Variants in HOXB3 observed in about 807,000 individuals in gnomAD.
HOXB3 encodes the protein homeobox B3, also known as homeobox protein Hox-B3.
In HOXB3, 17 loss-of-function variants were observed where a neutral mutation model predicts 29.2. That is an observed-to-expected ratio of 0.58 (90% confidence interval 0.40 to 0.87). The LOEUF (loss-of-function observed/expected upper bound fraction) is 0.87, where lower values mean the gene tolerates loss of function less well. Among genes scored for constraint, HOXB3 ranks in the 40% least tolerant of loss-of-function variants. The probability of loss-of-function intolerance (pLI) is 0.00; values close to 1 mark genes in which losing one functional copy is unlikely to be tolerated. For missense variants in HOXB3, 637 were observed against 616.3 expected, an observed-to-expected ratio of 1.03 and a Z score of -0.35; for synonymous variants, 317 against 285.9, an observed-to-expected ratio of 1.11 and a Z score of -1.10.
At chr17:48,567,235 G>A (rs573269994) in intron 2 of HOXB3, among the ~76,000 whole-genome samples, 3 of 152,324 alleles carry the variant, frequency 2.0e-5, no homozygotes, top group Admixed American at 6.5e-5. Context: ...GTGTGGGAGC[G>A]AGCTCCTGGA....
intron 3 of HOXB3, among the ~76,000 whole-genome samples, chr17:48,555,006 G>A (rs1022795585): frequency 2.0e-5 from 3 of 151,938 alleles, no homozygotes; most frequent in Admixed American, 2.0e-4. Context: ...GGGAGGGAGG[G>A]AGGGAGACGG....
In HOXB3 at chr17:48,552,293, G is replaced by A. The variant is rs2068785841; in HGVS notation, c.182C>T (p.Ala61Val). The A allele has an allele frequency of 2.5e-6, 4 of 1,613,954 alleles. No individual in the cohort carries two copies. The East Asian group carries it at 6.7e-5, about 27-fold the overall frequency. ...ACSLQSLGNAAPHAKSKELNG... is the reference protein window; with the variant it reads ...ACSLQSLGNAVPHAKSKELNG... ...GAGCTCCTTGCTCTTGGCATGTGGG[G>A]CAGCGTTGCCCAGGGACTGCAGCGA... Residue 61 changes from alanine (A) to valine (V), a missense_variant, in exon 4 of 5, where the codon GCC becomes GTC. Physicochemically the swap from Ala to Val is moderately conservative, Grantham distance 64 (BLOSUM62 0). Coordinates refer to ENST00000498678, the MANE Select transcript of HOXB3 (RefSeq NM_001384749.1).
intron 3 of HOXB3, 140 bp downstream of exon 3, chr17:48,555,385 GGAGGGA>G (rs2068942064): frequency 8.1e-5 from 47 of 580,718 alleles, no homozygotes; most frequent in East Asian, 3.5e-4. Flanking sequence ...AGGGAGGGAG[GGAGGGA>G]GAGAGAGAGT....
At chr17:48,577,035 A>C in intron 1 of HOXB3, 1 of 1,560,950 alleles carries the variant, frequency 6.4e-7, no homozygotes, top group East Asian at 2.3e-5. Flanking sequence ...ACACACACGG[A>C]GAGAGGGAGA....
In HOXB3 at chr17:48,550,463, C is replaced by G. The variant is rs765721486; in HGVS notation, c.1167G>C (p.Ala389=). Residue 389 remains alanine (A), a synonymous_variant, in exon 5 of 5, where the codon GCG becomes GCC. Transcript: ENST00000498678. ...HPSGNLDYNG[A]PPMAPSQHHG... The stretch of plus-strand genomic sequence containing the variant: ...GGTGCTGGCTGGGCGCCATAGGGGG[C>G]GCCCCGTTGTAGTCCAGGTTCCCGG... 5.6e-6 allele frequency: 9 copies of G among 1,612,306 alleles called. No individual in the cohort carries two copies. Among genetic ancestry groups the G allele is most frequent in the South Asian group, 3.3e-5 (3 of 90,990 alleles).
intron 2 of HOXB3, chr17:48,559,655 G>T (rs1260005883): frequency 6.6e-6 from 1 of 152,194 alleles, no homozygotes; most frequent in African/African-American, 2.4e-5. Context: ...CTTGGCATTT[G>T]GATCCCCATC....
chr17:48,557,456 C>G (rs896027297), intron 2 of HOXB3: 2 of 152,290 alleles, frequency 1.3e-5, no homozygotes, highest in East Asian at 1.9e-4. Flanking sequence ...CTCACAGGCT[C>G]TACTTTGGGA....
At chr17:48,586,255 A>C (rs1047133230) in intron 1 of HOXB3, among the ~76,000 whole-genome samples, 8 of 152,254 alleles carry the variant, frequency 5.3e-5, no homozygotes, top group Non-Finnish European at 8.8e-5. Flanking sequence ...GAGAAACGTT[A>C]AAACTTGGGG....
At position 48,549,104 on chromosome 17, in the gene HOXB3, A is replaced by G. The variant is rs1476224795; in HGVS notation, c.*1230T>C. The G allele has an allele frequency of 2.6e-5, 4 of 152,690 alleles. No individual in the cohort carries two copies. The highest frequency in any genetic ancestry group is 2.0e-4 in the Admixed American group (3 of 15,288). The allele number at this position is 152,690 out of a possible 1,614,324, so 9.5% of individuals were successfully genotyped here. A position where few individuals can be genotyped will look rare whatever the true frequency, so the allele number is the denominator to read the frequency against. On this transcript the variant is annotated 3_prime_UTR_variant, in exon 5 of 5. Transcript: ENST00000498678. ...ATCTACAGCTCTTTTCTAGAGTACA[A>G]TAGTAACTAAAATAGCTGGTTTTAC... is the stretch of plus-strand genomic sequence containing the variant.
intron 1 of HOXB3, among the ~76,000 whole-genome samples, chr17:48,589,336 C>T (rs1051820489): frequency 2.6e-4 from 39 of 152,304 alleles, no homozygotes; most frequent in African/African-American, 8.9e-4. Context: ...TACTTAAACA[C>T]CTAACACCTC....
In HOXB3 at chr17:48,550,069, G is replaced by C; in HGVS notation, c.*265C>G. On this transcript the variant is annotated 3_prime_UTR_variant, in exon 5 of 5. Coordinates refer to ENST00000498678, the MANE Select transcript of HOXB3 (RefSeq NM_001384749.1). ...GGGCGTGGAATTCCAACTTGGTAGT[G>C]CTGGAGCCCTGGGGTTGATGGGGTC... is the stretch of plus-strand genomic sequence containing the variant. 2.2e-6 allele frequency: 1 copy of C among 448,316 alleles called. No individual in the cohort carries two copies. 27.8% of individuals were successfully genotyped at this position (448,316 alleles called of 1,614,324 possible).
chr17:48,563,417 A>G (rs1403193189), intron 2 of HOXB3, among the ~76,000 whole-genome samples: 1 of 152,178 alleles, frequency 6.6e-6, no homozygotes, highest in Non-Finnish European at 1.5e-5. Flanking sequence ...CCATCCGCAA[A>G]GCCCCACCTG....
At chr17:48,580,119 A>C in intron 1 of HOXB3, 1 of 324,962 alleles carries the variant, frequency 3.1e-6, no homozygotes, top group South Asian at 2.6e-5. Context: ...CTCCTCTTCT[A>C]TTAGAATTTC....
rs760089789 is a variant in HOXB3, at chr17:48,552,501, G to T, written c.-27C>A. On this transcript the variant is annotated 5_prime_UTR_variant, in exon 4 of 5. Coordinates refer to ENST00000498678, the MANE Select transcript of HOXB3 (RefSeq NM_001384749.1). Reference sequence around the variant, plus strand: ...GCTGGGTGAGGCCTGGGCAGTGGGTGGCAACTTGGAAAGGCCTGATACCCT... The same window carrying T: ...GCTGGGTGAGGCCTGGGCAGTGGGTTGCAACTTGGAAAGGCCTGATACCCT... 6.5e-7 allele frequency: 1 copy of T among 1,533,632 alleles called. No individual in the cohort carries two copies.
chr17:48,573,843 GC>G lies in HOXB3; in HGVS notation c.-254del, dbSNP rs1567961084. 7.1e-6 allele frequency: 5 copies of G among 702,056 alleles called. No individual in the cohort carries two copies. Among genetic ancestry groups the G allele is most frequent in the Non-Finnish European group, 1.3e-5 (5 of 384,798 alleles). The allele number at this position is 702,056 out of a possible 1,614,324, so 43.5% of individuals were successfully genotyped here. A position where few individuals can be genotyped will look rare whatever the true frequency, so the allele number is the denominator to read the frequency against. ...CGGGCCCGGGCTTTGTTACCTTTGCGCCTCTCGCCTCCTCTCGCCCGAACTC... is the reference window on the plus strand; with the variant it reads ...CGGGCCCGGGCTTTGTTACCTTTGCGCTCTCGCCTCCTCTCGCCCGAACTC... On this transcript the variant is annotated 5_prime_UTR_variant, in exon 2 of 5. The change creates a premature stop within an existing upstream ORF in the 5' untranslated region. Coordinates refer to ENST00000498678, the MANE Select transcript of HOXB3 (RefSeq NM_001384749.1).
In HOXB3 at chr17:48,552,585, C is replaced by A. The variant is rs2068805774; in HGVS notation, c.-111G>T. On this transcript the variant is annotated 5_prime_UTR_variant, in exon 4 of 5. Transcript: ENST00000498678. ...TGACACGCCGGACCCCCCCCCCCCA[C>A]CTCCCCTCTCTGCCCCCCTCCTCCG... is the stretch of plus-strand genomic sequence containing the variant. 1.4e-6 allele frequency: 1 copy of A among 728,164 alleles called. No individual in the cohort carries two copies. Among genetic ancestry groups the A allele is most frequent in the South Asian group, 2.0e-5 (1 of 50,914 alleles). The allele number at this position is 728,164 out of a possible 1,614,324, so 45.1% of individuals were successfully genotyped here. A position where few individuals can be genotyped will look rare whatever the true frequency, so the allele number is the denominator to read the frequency against.
chr17:48,549,227 AAAT>A lies in HOXB3; in HGVS notation c.*1104_*1106del, dbSNP rs1211090995. ...ATATAAATACATAATGTAGGGGGAT[AAAT>A]AATACAAAAAAGAAAATATTTTAAC... On this transcript the variant is annotated 3_prime_UTR_variant, in exon 5 of 5. Transcript: ENST00000498678. The A allele has an allele frequency of 6.6e-6, 1 of 152,670 alleles. No homozygotes were observed. Among genetic ancestry groups the A allele is most frequent in the African/African-American group, 2.4e-5 (1 of 41,462 alleles). 9.5% of individuals were successfully genotyped at this position (152,670 alleles called of 1,614,324 possible). A position where few individuals can be genotyped will look rare whatever the true frequency, so the allele number is the denominator to read the frequency against.
At chr17:48,568,450 G>A (rs1258538443) in intron 2 of HOXB3, among the ~76,000 whole-genome samples, 2 of 152,146 alleles carry the variant, frequency 1.3e-5, no homozygotes, top group Admixed American at 6.5e-5. Context: ...ATATATTACT[G>A]TAAATCGTCT....
chr17:48,561,183 AACACACACACACAC>A (rs530713063), intron 2 of HOXB3, among the ~76,000 whole-genome samples: 14 of 125,490 alleles, frequency 1.1e-4, no homozygotes, highest in South Asian at 3.0e-4. Flanking sequence ...TCCGTCTCAA[AACACACACACACAC>A]ACACACACAC....
Sources: allele counts gnomAD v4.1 joint callset (sites outside exome capture counted in the v4.1 genomes callset), GRCh38; gene constraint gnomAD v4.1.1; transcripts MANE v1.5; gene names NCBI Gene and HGNC (gene_info 2026-07-23, HGNC 2026-07-21).